Variants in ICA1L observed in about 807,000 individuals in gnomAD.
The protein encoded by ICA1L is islet cell autoantigen 1-like protein.
ICA1L carries 50 observed loss-of-function variants against 61.3 expected under a neutral mutation model. The ratio of observed to expected loss-of-function variants is 0.82; its 90% CI spans 0.65 to 1.03. The LOEUF is 1.03. ICA1L is among the 50% of genes least tolerant of loss of function. ICA1L has a pLI of 0.00. For missense variants in ICA1L, 508 were observed against 556.7 expected, an observed-to-expected ratio of 0.91 and a Z score of 0.88; for synonymous variants, 161 against 191.3, an observed-to-expected ratio of 0.84 and a Z score of 1.31.
intron 1 of ICA1L, among the ~76,000 whole-genome samples, chr2:202,863,685 G>C (rs775469086): frequency 6.6e-6 from 1 of 151,828 alleles, no homozygotes; most frequent in Admixed American, 6.6e-5. Flanking sequence ...AAATCAGCCC[G>C]GCGTGGTGGT....
intron 1 of ICA1L, among the ~76,000 whole-genome samples, chr2:202,868,176 GA>G (rs112351599): frequency 6.8e-6 from 1 of 147,584 alleles, no homozygotes; most frequent in Non-Finnish European, 1.5e-5. Flanking sequence ...AGTAAAAAAA[GA>G]AAAAAAAAGG....
chr2:202,840,708 C>A (rs575255300), intron 1 of ICA1L: 51 of 601,666 alleles, frequency 8.5e-5, no homozygotes, highest in Non-Finnish European at 1.3e-5. Flanking sequence ...CGCTGCAGGG[C>A]AGCCTCCAGC....
intron 1 of ICA1L, among the ~76,000 whole-genome samples, chr2:202,856,687 A>G (rs1205981265): frequency 2.0e-5 from 3 of 152,190 alleles, no homozygotes; most frequent in African/African-American, 7.2e-5. Context: ...GAGGAAGTCA[A>G]CTTATCTCTG....
At chr2:202,861,021 G>T (rs1049528344) in intron 1 of ICA1L, among the ~76,000 whole-genome samples, 2 of 151,674 alleles carry the variant, frequency 1.3e-5, no homozygotes, top group African/African-American at 4.8e-5. Context: ...CCTGAGGTAC[G>T]GAGTTCAAGA....
intron 1 of ICA1L, among the ~76,000 whole-genome samples, chr2:202,843,654 T>G (rs1262500206): frequency 6.6e-6 from 1 of 152,190 alleles, no homozygotes; most frequent in Non-Finnish European, 1.5e-5. Flanking sequence ...GATGCAGGGA[T>G]CCTTGCTGCT....
In ICA1L at chr2:202,785,257, T is replaced by C. The variant is rs577312913; in HGVS notation, c.1333+661A>G. 2.6e-5 allele frequency among the ~76,000 whole-genome samples: 4 copies of C among 151,424 alleles called. No individual in the cohort carries two copies. In the South Asian group the frequency reaches 8.4e-4, roughly 32 times the overall value. On this transcript the variant is annotated intron_variant, in intron 12 of 12. Coordinates refer to ENST00000358299, the MANE Select transcript of ICA1L (RefSeq NM_001288622.3). Reference sequence around the variant, plus strand: ...AAAAAAGAAAAGAAAAAGGTTAATATGGTAACCAACTTAAGTGCTTGAATG... The same window carrying C: ...AAAAAAGAAAAGAAAAAGGTTAATACGGTAACCAACTTAAGTGCTTGAATG...
At chr2:202,863,300 A>T (rs9636329) in intron 1 of ICA1L, among the ~76,000 whole-genome samples, 51,713 of 151,876 alleles carry the variant, frequency 0.34, 9,541 homozygotes, top group East Asian at 0.61. Flanking sequence ...TCAATAAAAA[A>T]AGAAAAAAAG....
chr2:202,841,410 G>T (rs1318093435), intron 1 of ICA1L: 1 of 1,165,448 alleles, frequency 8.6e-7, no homozygotes, highest in African/African-American at 1.5e-5. Flanking sequence ...CTGCAGGAGG[G>T]CTCCACTTGG....
chr2:202,803,425 AGAAC>A, intron 9 of ICA1L, among the ~76,000 whole-genome samples: 1 of 148,534 alleles, frequency 6.7e-6, no homozygotes, highest in African/African-American at 2.5e-5. Context: ...AAAAAAAAAG[AGAAC>A]ATGGGAAGAT....
intron 1 of ICA1L, among the ~76,000 whole-genome samples, chr2:202,844,006 T>A (rs1417964990): frequency 6.6e-6 from 1 of 152,258 alleles, no homozygotes; most frequent in Non-Finnish European, 1.5e-5. Flanking sequence ...TTTATTCTTT[T>A]TGATTGTTGA....
At chr2:202,833,029 T>C (rs1694055795) in intron 1 of ICA1L, among the ~76,000 whole-genome samples, 1 of 150,984 alleles carries the variant, frequency 6.6e-6, no homozygotes, top group Non-Finnish European at 1.5e-5. Context: ...CGCAGGATAA[T>C]ACAAAGAAAA....
At chr2:202,850,137 A>C (rs907118889) in intron 1 of ICA1L, among the ~76,000 whole-genome samples, 2 of 152,214 alleles carry the variant, frequency 1.3e-5, no homozygotes, top group Non-Finnish European at 2.9e-5. Flanking sequence ...CCCCATCCAA[A>C]GGTCATCAAG....
At chr2:202,813,060 A>T (rs1693424821) in intron 8 of ICA1L, among the ~76,000 whole-genome samples, 1 of 152,088 alleles carries the variant, frequency 6.6e-6, no homozygotes, top group Non-Finnish European at 1.5e-5. Flanking sequence ...GGAGTTCGAG[A>T]CCAGCCTGGC....
At chr2:202,855,269 A>T (rs1694737096) in intron 1 of ICA1L, among the ~76,000 whole-genome samples, 1 of 152,072 alleles carries the variant, frequency 6.6e-6, no homozygotes, top group South Asian at 2.1e-4. Context: ...AAATTCAAAA[A>T]CTAGCAGAAG....
At chr2:202,855,942 C>T (rs577944694) in intron 1 of ICA1L, among the ~76,000 whole-genome samples, 43 of 151,946 alleles carry the variant, frequency 2.8e-4, no homozygotes, top group Admixed American at 1.4e-3. Flanking sequence ...GGTGTGGTGG[C>T]GGGTGACTGG....
chr2:202,815,560 C>G (rs1452510394), intron 7 of ICA1L, among the ~76,000 whole-genome samples: 1 of 152,080 alleles, frequency 6.6e-6, no homozygotes, highest in Non-Finnish European at 1.5e-5. Context: ...ACTTGTTCCT[C>G]TTAAGATCTT....
intron 9 of ICA1L, among the ~76,000 whole-genome samples, chr2:202,807,948 C>T (rs1693269238): frequency 6.6e-6 from 1 of 152,102 alleles, no homozygotes; most frequent in Admixed American, 6.5e-5. Flanking sequence ...AGACCCTGGG[C>T]CCTGAATAAA....
At chr2:202,811,490 TC>T (rs1000780101) in intron 9 of ICA1L, among the ~76,000 whole-genome samples, 10 of 151,488 alleles carry the variant, frequency 6.6e-5, no homozygotes, top group South Asian at 2.1e-4. Context: ...AAACCCTGTC[TC>T]TACTAAAAAT....
chr2:202,841,005 A>C (rs1559144579), intron 1 of ICA1L: 1 of 670,202 alleles, frequency 1.5e-6, no homozygotes, highest in Non-Finnish European at 2.9e-6. Context: ...CTCAGCGATG[A>C]TGCTGTCCAT....
Sources: allele counts gnomAD v4.1 joint callset (sites outside exome capture counted in the v4.1 genomes callset), GRCh38; gene constraint gnomAD v4.1.1; transcripts MANE v1.5; gene names NCBI Gene and HGNC (gene_info 2026-07-23, HGNC 2026-07-21).